MGAT5: variants seen among roughly 807,000 people sequenced by gnomAD.
The protein encoded by MGAT5 is alpha-1,6-mannosylglycoprotein 6-beta-N-acetylglucosaminyltransferase.
MGAT5 carries 30 observed loss-of-function variants against 94.3 expected under a neutral mutation model. The observed-to-expected ratio is 0.32, with a 90% CI of 0.24 to 0.43. The LOEUF is 0.43. Among genes scored for constraint, MGAT5 ranks in the 20% least tolerant of loss-of-function variants. The pLI is 1.00. For missense variants in MGAT5, 691 were observed against 905.5 expected, an observed-to-expected ratio of 0.76 and a Z score of 3.04; for synonymous variants, 310 against 322.9, an observed-to-expected ratio of 0.96 and a Z score of 0.43.
chr2:134,396,195 C>T (rs887852260), intron 10 of MGAT5, among the ~76,000 whole-genome samples: 5 of 152,166 alleles, frequency 3.3e-5, no homozygotes, highest in African/African-American at 1.2e-4. Context: ...TGGGACACAA[C>T]AAGGACCACC....
chr2:134,349,164 G>C lies in MGAT5; in HGVS notation c.1113-641G>C, dbSNP rs558790267. 3.9e-5 allele frequency among the ~76,000 whole-genome samples: 6 copies of C among 152,292 alleles called. No homozygotes were observed. In the East Asian group the frequency reaches 1.2e-3, roughly 29 times the overall value. The stretch of plus-strand genomic sequence containing the variant: ...ACAGACCGTACAAAAATAGGCGGTA[G>C]ACCAGATTTGGCCCTGTTTTATGGC... On this transcript the variant is annotated intron_variant, in intron 8 of 15. Transcript: ENST00000281923.
At chr2:134,153,142 A>G (rs996545343) in intron 1 of MGAT5, among the ~76,000 whole-genome samples, 1 of 151,504 alleles carries the variant, frequency 6.6e-6, no homozygotes, top group African/African-American at 2.4e-5. Flanking sequence ...CTGGTCTCGA[A>G]CTCCTGACCC....
At chr2:134,351,182 C>T (rs1334849900) in intron 9 of MGAT5, among the ~76,000 whole-genome samples, 1 of 152,154 alleles carries the variant, frequency 6.6e-6, no homozygotes, top group Non-Finnish European at 1.5e-5. Context: ...GCTGTATCAT[C>T]CTGCTATTAC....
intron 14 of MGAT5, among the ~76,000 whole-genome samples, chr2:134,439,440 T>G (rs931005106): frequency 1.5e-4 from 23 of 152,320 alleles, no homozygotes; most frequent in African/African-American, 5.3e-4. Context: ...CTCACACCTG[T>G]AATCCCGGCA....
intron 1 of MGAT5, among the ~76,000 whole-genome samples, chr2:134,236,644 A>G (rs1232643792): frequency 6.6e-6 from 1 of 152,168 alleles, no homozygotes; most frequent in African/African-American, 2.4e-5. Flanking sequence ...CTGTGAGTCA[A>G]ACCTCTTTCC....
chr2:134,171,956 C>G (rs1301023942), intron 1 of MGAT5, among the ~76,000 whole-genome samples: 1 of 152,154 alleles, frequency 6.6e-6, no homozygotes, highest in African/African-American at 2.4e-5. Flanking sequence ...GGGTGGCTCT[C>G]TTGGTACCAC....
chr2:134,379,177 G>A (rs1348069252), intron 10 of MGAT5, among the ~76,000 whole-genome samples: 1 of 152,100 alleles, frequency 6.6e-6, no homozygotes, highest in Non-Finnish European at 1.5e-5. Flanking sequence ...CACTTTTGCT[G>A]TAATGAATTA....
chr2:134,160,204 C>T (rs968617392), intron 1 of MGAT5, among the ~76,000 whole-genome samples: 3 of 152,036 alleles, frequency 2.0e-5, no homozygotes, highest in Admixed American at 6.5e-5. Context: ...GATGGAGTCT[C>T]GTTCTGTTGT....
chr2:134,449,726 A>G lies in MGAT5; in HGVS notation c.*879A>G, dbSNP rs1685996141. The stretch of plus-strand genomic sequence containing the variant: ...AACTCACCCTCCCTCCAGCCCCGCT[A>G]TGAGGAGGAAAGTAGAGATGAAAGA... On this transcript the variant is annotated 3_prime_UTR_variant, in exon 16 of 16. Transcript: ENST00000281923. 6.6e-6 allele frequency: 1 copy of G among 152,218 alleles called. No individual in the cohort carries two copies. The highest frequency in any genetic ancestry group is 2.4e-5 in the African/African-American group (1 of 41,450). The allele number at this position is 152,218 out of a possible 1,614,324, so 9.4% of individuals were successfully genotyped here. A position where few individuals can be genotyped will look rare whatever the true frequency, so the allele number is the denominator to read the frequency against.
intron 14 of MGAT5, among the ~76,000 whole-genome samples, chr2:134,441,152 C>G (rs1333359619): frequency 6.6e-6 from 1 of 152,216 alleles, no homozygotes; most frequent in East Asian, 1.9e-4. Flanking sequence ...TTTCAACCAA[C>G]CAGCACTAAG....
intron 1 of MGAT5, among the ~76,000 whole-genome samples, chr2:134,266,125 C>T (rs1369908796): frequency 3.5e-5 from 5 of 141,140 alleles, no homozygotes; most frequent in African/African-American, 1.1e-4. Context: ...CGTGCCACTG[C>T]ACTCCAGCCT....
At chr2:134,376,013 G>C (rs1302291592) in intron 10 of MGAT5, among the ~76,000 whole-genome samples, 2 of 152,224 alleles carry the variant, frequency 1.3e-5, no homozygotes, top group Non-Finnish European at 2.9e-5. Flanking sequence ...TAAGGAATTA[G>C]TAGAGCAATG....
chr2:134,254,777 C>T, intron 1 of MGAT5, 133 bp downstream of exon 1: 1 of 1,250,552 alleles, frequency 8.0e-7, no homozygotes, highest in Non-Finnish European at 1.1e-6. Context: ...GAATTGCACA[C>T]AGAGAGGCAT....
At chr2:134,433,593 G>A in intron 14 of MGAT5, among the ~76,000 whole-genome samples, 1 of 152,186 alleles carries the variant, frequency 6.6e-6, no homozygotes, top group East Asian at 1.9e-4. Flanking sequence ...AACCTCTGGG[G>A]CCGTGTGTGG....
chr2:134,225,077 C>CAA (rs1167660901), intron 1 of MGAT5, among the ~76,000 whole-genome samples: 1,494 of 66,430 alleles, frequency 0.022, 5 homozygotes, highest in Non-Finnish European at 0.026. Flanking sequence ...CCCTGTCTCA[C>CAA]AAAAAAAAAA....
intron 12 of MGAT5, among the ~76,000 whole-genome samples, chr2:134,416,043 A>G (rs1683938908): frequency 6.6e-6 from 1 of 152,158 alleles, no homozygotes; most frequent in Non-Finnish European, 1.5e-5. Context: ...AATTGTAGAT[A>G]TTATTTTTCC....
chr2:134,152,899 C>CTTTTT (rs35135371), intron 1 of MGAT5, among the ~76,000 whole-genome samples: 12 of 117,276 alleles, frequency 1.0e-4, no homozygotes, highest in South Asian at 2.7e-4. Flanking sequence ...ATGGAGTCCA[C>CTTTTT]TTTTTTTTTT....
chr2:134,319,989 A>AC (rs1687221431), intron 4 of MGAT5: 1 of 196,918 alleles, frequency 5.1e-6, no homozygotes, highest in Non-Finnish European at 1.1e-5. Context: ...ATGAGTTCCC[A>AC]CCAGTAGATG....
At chr2:134,369,510 A>C (rs1680646811) in intron 10 of MGAT5, among the ~76,000 whole-genome samples, 1 of 152,208 alleles carries the variant, frequency 6.6e-6, no homozygotes. Flanking sequence ...GGTTTAAAAA[A>C]AGAATGAATT....
Sources: gnomAD v4.1 joint callset for allele counts (sites outside exome capture counted in the v4.1 genomes callset) on GRCh38, gnomAD v4.1.1 for gene constraint, MANE v1.5 for transcripts, NCBI Gene and HGNC (gene_info 2026-07-23, HGNC 2026-07-21) for gene names.